LPP: variants seen among roughly 807,000 people sequenced by gnomAD.
LPP encodes the protein LIM domain containing preferred translocation partner in lipoma.
LPP carries 38 observed loss-of-function variants against 60.4 expected under a neutral mutation model. That is an observed-to-expected ratio of 0.63 (90% CI 0.49 to 0.83). LPP has a LOEUF of 0.83. Among genes scored for constraint, LPP ranks in the 40% least tolerant of loss-of-function variants. The pLI is 0.00. For missense variants in LPP, 902 were observed against 783.6 expected (o/e 1.15, Z -1.80); for synonymous variants, 328 against 290.8 (o/e 1.13, Z -1.30).
intron 7 of LPP, among the ~76,000 whole-genome samples, chr3:188,663,519 G>A (rs748874737): frequency 1.3e-5 from 2 of 151,928 alleles, no homozygotes; most frequent in Non-Finnish European, 2.9e-5. Context: ...CACGTACATC[G>A]CTACTTAAAA....
At chr3:188,715,162 G>A (rs539847121) in intron 8 of LPP, among the ~76,000 whole-genome samples, 7 of 151,982 alleles carry the variant, frequency 4.6e-5, no homozygotes, top group South Asian at 4.1e-4. Context: ...GGCAGATCAC[G>A]AGGTCAAGAG....
intron 3 of LPP, among the ~76,000 whole-genome samples, chr3:188,399,254 G>C (rs1378385407): frequency 1.3e-5 from 2 of 152,144 alleles, no homozygotes; most frequent in Admixed American, 6.5e-5. Context: ...CAATAATGGA[G>C]AGCCGTATAG....
At chr3:188,754,997 T>C (rs1729668225) in intron 8 of LPP, among the ~76,000 whole-genome samples, 1 of 152,182 alleles carries the variant, frequency 6.6e-6, no homozygotes, top group Admixed American at 6.5e-5. Flanking sequence ...AGGTTTTGTT[T>C]CTAGGAATAT....
intron 8 of LPP, among the ~76,000 whole-genome samples, chr3:188,722,970 A>G (rs1308395885): frequency 1.3e-5 from 2 of 152,174 alleles, no homozygotes; most frequent in Non-Finnish European, 2.9e-5. Context: ...GTATTTTCTT[A>G]TGATGTTCTG....
At chr3:188,256,342 C>G (rs1484182494) in intron 2 of LPP, among the ~76,000 whole-genome samples, 1 of 151,788 alleles carries the variant, frequency 6.6e-6, no homozygotes, top group East Asian at 1.9e-4. Context: ...TTGGGTTGAC[C>G]AACACATCTT....
intron 9 of LPP, among the ~76,000 whole-genome samples, chr3:188,795,909 A>G (rs1745199896): frequency 6.6e-6 from 1 of 152,130 alleles, no homozygotes; most frequent in African/African-American, 2.4e-5. Context: ...CACCAACTAG[A>G]TAATTTAATC....
chr3:188,609,660 G>A lies in LPP; in HGVS notation c.929G>A (p.Arg310Lys), dbSNP rs754332290. The A allele has an allele frequency of 2.1e-5, 34 of 1,614,028 alleles. No individual in the cohort carries two copies. Among genetic ancestry groups the A allele is most frequent in the Non-Finnish European group, 1.7e-5 (20 of 1,180,018 alleles). Residue 310 changes from arginine (R) to lysine (K), a missense_variant, in exon 7 of 12, where the codon AGA becomes AAA. By Grantham distance (26) the Arg-to-Lys change is conservative. Coordinates refer to ENST00000617246, the MANE Select transcript of LPP (RefSeq NM_001375462.1). The surrounding 1 kb of genome is among the most constrained non-coding windows in gnomAD (Gnocchi z 6.9). ...GCAGCAGGGCCAGGCTATGGGGGCAGAAATGACTCTGACCCTACCTATGGT... is the reference window on the plus strand; with the variant it reads ...GCAGCAGGGCCAGGCTATGGGGGCAAAAATGACTCTGACCCTACCTATGGT... ...YYAAGPGYGG[R>K]NDSDPTYGQQ...
Position 188,690,441 on chromosome 3 carries a change from A to G in LPP, c.1114-17826A>G, listed in dbSNP as rs146688709. Among the ~76,000 whole-genome samples the G allele has an allele frequency of 7.2e-5, 11 of 152,326 alleles. No homozygotes were observed. The East Asian group carries it at 1.5e-3, about 21-fold the overall frequency. On this transcript the variant is annotated intron_variant, in intron 7 of 11. Coordinates refer to ENST00000617246, the MANE Select transcript of LPP (RefSeq NM_001375462.1). Reference sequence around the variant, plus strand: ...TTTCAAGGGGTCTGCTCCCTGAAAGATAAGTTTTTTTCTTTATTTGTGGTT... The same window carrying G: ...TTTCAAGGGGTCTGCTCCCTGAAAGGTAAGTTTTTTTCTTTATTTGTGGTT...
chr3:188,420,815 T>TGTG (rs1196107728), intron 4 of LPP, among the ~76,000 whole-genome samples: 1 of 152,198 alleles, frequency 6.6e-6, no homozygotes, highest in Non-Finnish European at 1.5e-5. Flanking sequence ...AAACTGAGTA[T>TGTG]GTGGTGGTGG....
chr3:188,752,509 T>G (rs1251911016), intron 8 of LPP, among the ~76,000 whole-genome samples: 2 of 152,304 alleles, frequency 1.3e-5, no homozygotes, highest in South Asian at 4.1e-4. Context: ...CAGGGTTGTT[T>G]TTTGTTTTGT....
chr3:188,650,529 G>A (rs935145204), intron 7 of LPP, among the ~76,000 whole-genome samples: 3 of 152,098 alleles, frequency 2.0e-5, no homozygotes, highest in African/African-American at 7.2e-5. Context: ...TTGCTCCGCT[G>A]CTTGTTTTTT....
rs538794454 is a variant in LPP at position 188,609,842 on chromosome 3, A to G, written c.1111A>G (p.Lys371Glu). 31 of 1,607,742 alleles carry G rather than the reference A, an allele frequency of 1.9e-5. No individual in the cohort carries two copies. The highest frequency in any genetic ancestry group is 3.3e-4 in the Middle Eastern group (2 of 5,994). The change falls in exon 7 of 12, where the codon AAG becomes GAG. Residue 371 changes from lysine (K) to glutamate (E), a missense_variant and splice_region_variant. Lys to Glu is a moderately conservative substitution (Grantham distance 56). Transcript: ENST00000617246. This position sits in a 1 kb window ranked among gnomAD's most constrained non-coding sequence, Gnocchi z 6.9. ...CCCCTGTGCGCCACCATTGCAGCCA[A>G]AGGTAAGAAACTCAGTAACATAAGG... ...SAPCAPPLQP[K>E]GGHSGQLGPS...
At chr3:188,666,226 G>A (rs951934485) in intron 7 of LPP, among the ~76,000 whole-genome samples, 5 of 152,206 alleles carry the variant, frequency 3.3e-5, no homozygotes, top group Non-Finnish European at 7.3e-5. Context: ...GCAAAATTGT[G>A]TGATTCTATT....
chr3:188,616,635 C>G (rs1844907122), intron 7 of LPP, among the ~76,000 whole-genome samples: 1 of 151,730 alleles, frequency 6.6e-6, no homozygotes, highest in South Asian at 2.1e-4. Context: ...TTGTTGTTGT[C>G]CACAAAATAG....
chr3:188,174,920 C>G (rs1722634927), intron 1 of LPP, among the ~76,000 whole-genome samples: 1 of 152,026 alleles, frequency 6.6e-6, no homozygotes, highest in Non-Finnish European at 1.5e-5. Context: ...CACTTCTTAC[C>G]TTCTCTTGTA....
intron 1 of LPP, among the ~76,000 whole-genome samples, chr3:188,212,259 A>G (rs73057608): frequency 0.13 from 19,974 of 152,110 alleles, 3,201 homozygotes; most frequent in African/African-American, 0.38. Flanking sequence ...CCCTCCACCA[A>G]ATTAATGATT....
intron 5 of LPP, among the ~76,000 whole-genome samples, chr3:188,487,763 C>T (rs922120335): frequency 2.0e-5 from 3 of 152,150 alleles, no homozygotes; most frequent in East Asian, 1.9e-4. Context: ...GAAAATTCTG[C>T]GCAGTTTCCT....
At chr3:188,415,412 A>G (rs1785947057) in intron 4 of LPP, among the ~76,000 whole-genome samples, 1 of 152,108 alleles carries the variant, frequency 6.6e-6, no homozygotes, top group Non-Finnish European at 1.5e-5. Flanking sequence ...TAACCATATG[A>G]CTCAGCAAAT....
intron 4 of LPP, among the ~76,000 whole-genome samples, chr3:188,415,729 G>T (rs1041771971): frequency 2.7e-4 from 35 of 129,424 alleles, no homozygotes; most frequent in Non-Finnish European, 4.5e-4. Context: ...AAGCTCTAGA[G>T]ATAAAGGACA....
Sources: gnomAD v4.1 joint callset for allele counts (sites outside exome capture counted in the v4.1 genomes callset) on GRCh38, gnomAD v4.1.1 for gene constraint, Gnocchi (gnomAD v3.1) non-coding constraint, MANE v1.5 for transcripts, NCBI Gene and HGNC (gene_info 2026-07-23, HGNC 2026-07-21) for gene names.